Variants in SEMA3E observed in about 807,000 individuals in gnomAD.
SEMA3E encodes semaphorin-3E.
Under a neutral mutation model 93.6 loss-of-function variants are expected in SEMA3E, and 49 were observed. The observed-to-expected ratio is 0.52, with a 90% CI of 0.42 to 0.66. SEMA3E has a LOEUF of 0.66. Ranked by LOEUF, SEMA3E falls within the 30% of genes least tolerant of loss-of-function variation. The pLI is 0.00. For synonymous variants in SEMA3E, 363 were observed against 330.7 expected (o/e 1.10, Z -1.06); for missense variants, 906 against 964.8 (o/e 0.94, Z 0.81).
At chr7:83,526,788 A>G (rs1791169038) in intron 1 of SEMA3E, among the ~76,000 whole-genome samples, 1 of 152,142 alleles carries the variant, frequency 6.6e-6, no homozygotes, top group Non-Finnish European at 1.5e-5. Flanking sequence ...TAAAATGTGT[A>G]TATGTTGTCA....
At chr7:83,480,493 C>G (rs1790123015) in intron 2 of SEMA3E, among the ~76,000 whole-genome samples, 1 of 152,002 alleles carries the variant, frequency 6.6e-6, no homozygotes, top group African/African-American at 2.4e-5. Flanking sequence ...AATGTTTTTT[C>G]TATACTTTTT....
At chr7:83,379,353 A>G (rs1257024068) in intron 16 of SEMA3E, among the ~76,000 whole-genome samples, 1 of 151,786 alleles carries the variant, frequency 6.6e-6, no homozygotes, top group Non-Finnish European at 1.5e-5. Context: ...TATGCAATGT[A>G]ATAAATATGC....
chr7:83,466,765 A>G (rs1315465892), intron 3 of SEMA3E, among the ~76,000 whole-genome samples, 164 bp from the exon 4 acceptor site: 5 of 152,200 alleles, frequency 3.3e-5, no homozygotes, highest in Non-Finnish European at 1.5e-5. Flanking sequence ...GAACTTGGAG[A>G]AGAAACTGGG....
At chr7:83,447,538 AAAC>A (rs559408753) in intron 4 of SEMA3E, among the ~76,000 whole-genome samples, 14 of 152,206 alleles carry the variant, frequency 9.2e-5, no homozygotes, top group Admixed American at 3.9e-4. Flanking sequence ...ACTCTGTCTC[AAAC>A]AACAACAACT....
chr7:83,569,731 A>T, intron 1 of SEMA3E, among the ~76,000 whole-genome samples: 1 of 152,204 alleles, frequency 6.6e-6, no homozygotes, highest in Non-Finnish European at 1.5e-5. Flanking sequence ...TGAGATTCAT[A>T]AAACAAGTTC....
intron 5 of SEMA3E, among the ~76,000 whole-genome samples, chr7:83,417,323 C>G (rs549150579): frequency 6.6e-6 from 1 of 152,124 alleles, no homozygotes; most frequent in African/African-American, 2.4e-5. Context: ...TCAAAATAAA[C>G]TGACTTGAAT....
intron 4 of SEMA3E, among the ~76,000 whole-genome samples, chr7:83,422,723 A>G (rs1788689630): frequency 6.6e-6 from 1 of 152,216 alleles, no homozygotes; most frequent in Admixed American, 6.5e-5. Context: ...GTTTTATCTA[A>G]TGGGTATAAT....
chr7:83,398,710 G>A (rs567414103), intron 11 of SEMA3E, among the ~76,000 whole-genome samples: 1 of 152,296 alleles, frequency 6.6e-6, no homozygotes, highest in African/African-American at 2.4e-5. Context: ...TTGGGAGGCT[G>A]AGGCAGGTGG....
At chr7:83,572,872 C>A (rs535653970) in intron 1 of SEMA3E, among the ~76,000 whole-genome samples, 1 of 151,922 alleles carries the variant, frequency 6.6e-6, no homozygotes, top group African/African-American at 2.4e-5. Context: ...AGAATTAACT[C>A]AAGATAGATT....
chr7:83,574,852 G>T (rs1323895773), intron 1 of SEMA3E, among the ~76,000 whole-genome samples: 1 of 152,096 alleles, frequency 6.6e-6, no homozygotes, highest in Non-Finnish European at 1.5e-5. Flanking sequence ...CATGGGAGAG[G>T]CCAGCAGAGA....
intron 1 of SEMA3E, among the ~76,000 whole-genome samples, chr7:83,532,786 TA>T (rs745674254): frequency 3.1e-4 from 47 of 151,340 alleles, no homozygotes; most frequent in East Asian, 9.7e-4. Flanking sequence ...GTTTTTTTTT[TA>T]AAAAAAGAAA....
At chr7:83,568,854 G>A (rs1468381942) in intron 1 of SEMA3E, among the ~76,000 whole-genome samples, 3 of 151,914 alleles carry the variant, frequency 2.0e-5, no homozygotes, top group Non-Finnish European at 4.4e-5. Context: ...AGTCAACATA[G>A]TACTAAAAGT....
At chr7:83,532,525 G>A (rs1791322129) in intron 1 of SEMA3E, among the ~76,000 whole-genome samples, 1 of 152,186 alleles carries the variant, frequency 6.6e-6, no homozygotes, top group East Asian at 1.9e-4. Flanking sequence ...ACAGTACAGC[G>A]GGATGTAACC....
chr7:83,628,482 A>C (rs940940217), intron 1 of SEMA3E, among the ~76,000 whole-genome samples: 3 of 151,508 alleles, frequency 2.0e-5, no homozygotes, highest in African/African-American at 7.3e-5. Context: ...GGCTTTTTTC[A>C]TTCTTTTCTT....
chr7:83,462,912 A>G (rs371404363), intron 4 of SEMA3E, among the ~76,000 whole-genome samples: 5,637 of 113,070 alleles, frequency 0.05, 252 homozygotes, highest in South Asian at 0.079. Context: ...CTAGATCTCA[A>G]ACATGCTTTC....
intron 1 of SEMA3E, among the ~76,000 whole-genome samples, chr7:83,507,538 C>T (rs918024529): frequency 6.6e-6 from 1 of 150,848 alleles, no homozygotes; most frequent in Non-Finnish European, 1.5e-5. Context: ...AATGAAGAAC[C>T]TGAATGTTGG....
intron 5 of SEMA3E, among the ~76,000 whole-genome samples, chr7:83,412,802 T>C (rs1163334597): frequency 1.3e-5 from 2 of 151,306 alleles, no homozygotes; most frequent in African/African-American, 4.9e-5. Flanking sequence ...ATCTTAACTT[T>C]TAAAAACTGT....
intron 5 of SEMA3E, among the ~76,000 whole-genome samples, chr7:83,413,225 T>C (rs181276422): frequency 4.6e-5 from 7 of 152,306 alleles, no homozygotes; most frequent in Admixed American, 1.3e-4. Flanking sequence ...TCATGGACTA[T>C]ATATTATCTG....
At chr7:83,526,889 TCTGA>T (rs1209010689) in intron 1 of SEMA3E, among the ~76,000 whole-genome samples, 4 of 152,184 alleles carry the variant, frequency 2.6e-5, no homozygotes, top group Admixed American at 2.0e-4. Flanking sequence ...GTGGATCAGC[TCTGA>T]CTACCTCCAT....
Sources: allele counts gnomAD v4.1 joint callset (sites outside exome capture counted in the v4.1 genomes callset), GRCh38; gene constraint gnomAD v4.1.1; transcripts MANE v1.5; gene names NCBI Gene and HGNC (gene_info 2026-07-23, HGNC 2026-07-21).